Variants in DNAJC12 observed in about 807,000 individuals in gnomAD.
The protein encoded by DNAJC12 is dnaJ homolog subfamily C member 12.
In DNAJC12, 25 loss-of-function variants were observed where a neutral mutation model predicts 28.5. The ratio of observed to expected loss-of-function variants is 0.88; its 90% confidence interval spans 0.64 to 1.22. The LOEUF (loss-of-function observed/expected upper bound fraction) is 1.22. DNAJC12 is among the 50% of genes most tolerant of loss of function. DNAJC12 has a pLI of 0.00. For synonymous variants in DNAJC12, 77 were observed against 80.6 expected, an observed-to-expected ratio of 0.95 and a Z score of 0.24; for missense variants, 222 against 231.7, an observed-to-expected ratio of 0.96 and a Z score of 0.27.
intron 4 of DNAJC12, among the ~76,000 whole-genome samples, chr10:67,798,041 G>GAAA (rs1186393477): frequency 3.9e-5 from 4 of 101,386 alleles, no homozygotes; most frequent in African/African-American, 1.3e-4. Context: ...TTCTGTCTCA[G>GAAA]AAAAAAAAAA....
At chr10:67,815,957 C>A (rs1300440659) in intron 2 of DNAJC12, 1 of 397,128 alleles carries the variant, frequency 2.5e-6, no homozygotes, top group South Asian at 1.3e-4. Context: ...CACTTCACCA[C>A]ATTTAACAAA....
intron 2 of DNAJC12, among the ~76,000 whole-genome samples, chr10:67,818,491 A>G (rs1420128645): frequency 6.6e-6 from 1 of 152,132 alleles, no homozygotes; most frequent in Non-Finnish European, 1.5e-5. Flanking sequence ...CCCCATCACT[A>G]TGGCAACTAG....
chr10:67,811,538 C>T lies in DNAJC12; in HGVS notation c.283G>A (p.Asp95Asn), dbSNP rs762588717. 2 of 1,614,072 alleles carry T rather than the reference C, an allele frequency of 1.2e-6. No homozygotes were observed. Among genetic ancestry groups the T allele is most frequent in the East Asian group, 2.2e-5 (1 of 44,892 alleles). ...GAGAAACCCACCGTCTTCACTGAGT[C>T]ATTCAAAGCTTCCCACTGCTGGAAT... ...MPFQQWEALN[D>N]SVKTSMHWVV... Residue 95 changes from aspartate to asparagine, a missense_variant, in exon 3 of 5, where the codon GAC becomes AAC. Transcript: ENST00000225171.
At chr10:67,800,059 C>T (rs1841725175) in intron 4 of DNAJC12, among the ~76,000 whole-genome samples, 1 of 151,320 alleles carries the variant, frequency 6.6e-6, no homozygotes, top group African/African-American at 2.4e-5. Context: ...GGCGAAACCC[C>T]ATCTCTATAA....
At position 67,838,144 on chromosome 10, in the gene DNAJC12, CCA is replaced by C. The variant is rs1842157640; in HGVS notation, c.-135_-134del. 2 of 593,386 alleles carry C rather than the reference CCA, an allele frequency of 3.4e-6. No homozygotes were observed. 36.8% of individuals were successfully genotyped at this position (593,386 alleles called of 1,614,324 possible). A position where few individuals can be genotyped will look rare whatever the true frequency, so the allele number is the denominator to read the frequency against. On this transcript the variant is annotated 5_prime_UTR_variant, in exon 1 of 5. The change creates a premature stop within an existing upstream ORF in the 5' untranslated region. Coordinates refer to ENST00000225171, the MANE Select transcript of DNAJC12 (RefSeq NM_021800.3). ...TAGCAAAAACTAGCTTTAAGACTGG[CCA>C]CAGTCAATACACCAGATGTCATCCT...
intron 3 of DNAJC12, chr10:67,811,215 G>C: frequency 1.0e-6 from 1 of 954,132 alleles, no homozygotes; most frequent in Non-Finnish European, 1.3e-6. Context: ...CAATTCATGA[G>C]CAACTTGAGA....
In DNAJC12 at chr10:67,797,191, A is replaced by G; in HGVS notation, c.522T>C (p.Gly174=). 2 of 1,613,906 alleles carry G rather than the reference A, an allele frequency of 1.2e-6. No homozygotes were observed. Among genetic ancestry groups the G allele is most frequent in the South Asian group, 2.2e-5 (2 of 91,032 alleles). Residue 174 remains glycine, a synonymous_variant, in exon 5 of 5, where the codon GGT becomes GGC. Coordinates refer to ENST00000225171, the MANE Select transcript of DNAJC12 (RefSeq NM_021800.3). ...TGGACCAGCGGAAACGAAGGTGCCA[A>G]CCATTCACATCTGCAAAACCTTTAA... is the stretch of plus-strand genomic sequence containing the variant. ...SDSSGFADVN[G]WHLRFRWSKD...
chr10:67,807,557 T>A (rs1841816298), intron 3 of DNAJC12, among the ~76,000 whole-genome samples: 2 of 152,164 alleles, frequency 1.3e-5, no homozygotes. Flanking sequence ...TTTTTGCATA[T>A]GCACAAAATA....
chr10:67,829,015 G>C (rs1010179874), intron 1 of DNAJC12, among the ~76,000 whole-genome samples: 2 of 152,062 alleles, frequency 1.3e-5, no homozygotes, highest in Admixed American at 6.6e-5. Flanking sequence ...GAGGTGGGGG[G>C]AAAGTCTCTG....
Position 67,809,916 on chromosome 10 carries a change from T to C in DNAJC12, c.297+1608A>G, listed in dbSNP as rs145673148. On this transcript the variant is annotated intron_variant, in intron 3 of 4. Coordinates refer to ENST00000225171, the MANE Select transcript of DNAJC12 (RefSeq NM_021800.3). ...CAATGTATACTACTCAGGTGATGGG[T>C]GCGCTAAAATTTCAGACTTCACCAC... Among the ~76,000 whole-genome samples, 953 of 152,064 alleles carry C rather than the reference T, an allele frequency of 6.3e-3. 11 individuals carry two copies. The highest frequency in any genetic ancestry group is 0.022 in the African/African-American group (909 of 41,492).
intron 1 of DNAJC12, 115 bp downstream of exon 1, chr10:67,837,819 G>T: frequency 1.5e-6 from 1 of 685,834 alleles, no homozygotes. Context: ...ACAACACAAG[G>T]TTAGGTTTGT....
chr10:67,823,834 A>T (rs1202804314), intron 1 of DNAJC12, among the ~76,000 whole-genome samples: 1 of 152,228 alleles, frequency 6.6e-6, no homozygotes, highest in African/African-American at 2.4e-5. Context: ...TCTAAGAAAT[A>T]ATAAAATTCA....
intron 2 of DNAJC12, among the ~76,000 whole-genome samples, chr10:67,817,480 C>G (rs919847357): frequency 6.6e-6 from 1 of 152,180 alleles, no homozygotes; most frequent in African/African-American, 2.4e-5. Flanking sequence ...CCCAAAGTTC[C>G]TCTACTGTCT....
At chr10:67,803,774 CTG>C (rs1841771634) in intron 4 of DNAJC12, among the ~76,000 whole-genome samples, 1 of 152,206 alleles carries the variant, frequency 6.6e-6, no homozygotes, top group African/African-American at 2.4e-5. Context: ...GATTGTACTC[CTG>C]TGTTTGCTTA....
intron 3 of DNAJC12, among the ~76,000 whole-genome samples, chr10:67,808,323 C>T (rs73271981): frequency 0.012 from 1,815 of 152,176 alleles, 39 homozygotes; most frequent in African/African-American, 0.039. Flanking sequence ...AAGGAACTAA[C>T]GCTAAACAGA....
rs774800593 is a variant in DNAJC12, at chr10:67,797,141, C to G, written c.572G>C (p.Arg191Thr). ...WSKDAPSELL[R>T]KFRNYEI ...TCATATTTCATAGTTTCTGAACTTCCTCAGGAGTTCTGAGGGAGCATCCTT... is the reference window on the plus strand; with the variant it reads ...TCATATTTCATAGTTTCTGAACTTCGTCAGGAGTTCTGAGGGAGCATCCTT... Residue 191 changes from arginine (R) to threonine (T), a missense_variant, in exon 5 of 5, where the codon AGG (arginine) becomes ACG (threonine). Transcript: ENST00000225171. 1.4e-5 allele frequency: 22 copies of G among 1,613,426 alleles called. No individual in the cohort carries two copies. The East Asian group carries it at 4.9e-4, about 36-fold the overall frequency.
chr10:67,808,902 A>G (rs111581808), intron 3 of DNAJC12, among the ~76,000 whole-genome samples: 8 of 152,098 alleles, frequency 5.3e-5, no homozygotes, highest in Non-Finnish European at 4.4e-5. Flanking sequence ...GGCTGGTGAA[A>G]CTGTGGCCAT....
At chr10:67,837,764 A>G (rs1325494050) in intron 1 of DNAJC12, among the ~76,000 whole-genome samples, 170 bp downstream of exon 1, 1 of 152,256 alleles carries the variant, frequency 6.6e-6, no homozygotes, top group Non-Finnish European at 1.5e-5. Flanking sequence ...AAATCCCAAC[A>G]TACATTTAAA....
Position 67,805,693 on chromosome 10 carries a change from T to C in DNAJC12, c.392A>G (p.Glu131Gly), listed in dbSNP as rs1413048426. The C allele has an allele frequency of 1.2e-6, 2 of 1,613,824 alleles. No individual in the cohort carries two copies. Among genetic ancestry groups the C allele is most frequent in the East Asian group, 2.2e-5 (1 of 44,870 alleles). Reference sequence around the variant, plus strand: ...CTCCTCTTTCTTTCTTTCTCTTTGCTCATTACATTCCTCATTTTCCATCTT... The same window carrying C: ...CTCCTCTTTCTTTCTTTCTCTTTGCCCATTACATTCCTCATTTTCCATCTT... ...TTKMENEECN[E>G]QRERKKEELA... Residue 131 changes from glutamate (E) to glycine (G), a missense_variant, in exon 4 of 5, where the codon GAG becomes GGG. Transcript: ENST00000225171.
Sources: gnomAD v4.1 joint callset for allele counts (sites outside exome capture counted in the v4.1 genomes callset) on GRCh38, gnomAD v4.1.1 for gene constraint, MANE v1.5 for transcripts, NCBI Gene and HGNC (gene_info 2026-07-23, HGNC 2026-07-21) for gene names.